The following HIP1 variants were observed in gnomAD, a reference collection of about 807,000 sequenced individuals.
HIP1 encodes the protein huntingtin-interacting protein 1.
In HIP1, 65 loss-of-function variants were observed where a neutral mutation model predicts 147.6. That is an observed-to-expected ratio of 0.44 (90% CI 0.36 to 0.54). The LOEUF is 0.54. Ranked by LOEUF, HIP1 falls within the 20% of genes least tolerant of loss-of-function variation. The pLI is 0.00. For synonymous variants in HIP1, 479 were observed against 504.0 expected, an observed-to-expected ratio of 0.95 and a Z score of 0.67; for missense variants, 1,061 against 1,299.6, an observed-to-expected ratio of 0.82 and a Z score of 2.82.
At chr7:75,714,909 C>T (rs1444881485) in intron 1 of HIP1, among the ~76,000 whole-genome samples, 3 of 152,212 alleles carry the variant, frequency 2.0e-5, no homozygotes, top group African/African-American at 7.2e-5. Flanking sequence ...CAGGATCCCA[C>T]GCTGCACCGA....
At chr7:75,705,121 C>A (rs1323372762) in intron 1 of HIP1, among the ~76,000 whole-genome samples, 4 of 152,174 alleles carry the variant, frequency 2.6e-5, no homozygotes, top group Non-Finnish European at 4.4e-5. Flanking sequence ...TATCCATCGG[C>A]AGAACTCTTC....
chr7:75,677,799 C>A (rs1309765330), intron 1 of HIP1, among the ~76,000 whole-genome samples: 1 of 151,860 alleles, frequency 6.6e-6, no homozygotes, highest in Non-Finnish European at 1.5e-5. Context: ...TGCCTTGGAG[C>A]CTTTGCACAC....
At chr7:75,629,540 G>A (rs1054764286) in intron 1 of HIP1, among the ~76,000 whole-genome samples, 10 of 134,410 alleles carry the variant, frequency 7.4e-5, no homozygotes, top group African/African-American at 2.7e-4. Flanking sequence ...CGGCTCCCCC[G>A]CTTTTCTTTT....
At chr7:75,695,116 T>C (rs1424545793) in intron 1 of HIP1, among the ~76,000 whole-genome samples, 2 of 152,190 alleles carry the variant, frequency 1.3e-5, no homozygotes, top group East Asian at 3.8e-4. Context: ...AGCTGATCCT[T>C]GGTTAGATGT....
intron 1 of HIP1, among the ~76,000 whole-genome samples, chr7:75,607,888 AG>A (rs1397031589): frequency 6.6e-6 from 1 of 152,140 alleles, no homozygotes; most frequent in Non-Finnish European, 1.5e-5. Context: ...CAGAATCCAC[AG>A]ACTGGAAAAA....
Position 75,568,169 on chromosome 7 carries a change from A to C in HIP1, c.803+30T>G. The C allele has an allele frequency of 4.6e-6, 7 of 1,519,108 alleles. No individual in the cohort carries two copies. The highest frequency in any genetic ancestry group is 6.4e-6 in the Non-Finnish European group (7 of 1,093,676). 94.1% of individuals were successfully genotyped at this position (1,519,108 alleles called of 1,614,324 possible). A position where few individuals can be genotyped will look rare whatever the true frequency, so the allele number is the denominator to read the frequency against. ...ATGATTTTATAGCGCTCTTGAATTCACCTCCATTCCTGTTACTTGAACCAC... is the reference window on the plus strand; with the variant it reads ...ATGATTTTATAGCGCTCTTGAATTCCCCTCCATTCCTGTTACTTGAACCAC... On this transcript the variant is annotated intron_variant, in intron 9 of 30. Transcript: ENST00000336926. The surrounding 1 kb of genome is among the most constrained non-coding windows in gnomAD (Gnocchi z 4.1).
At chr7:75,693,297 A>G (rs1800520579) in intron 1 of HIP1, among the ~76,000 whole-genome samples, 1 of 151,952 alleles carries the variant, frequency 6.6e-6, no homozygotes, top group African/African-American at 2.4e-5. Flanking sequence ...TTTTATTTGT[A>G]CACCTTCCTT....
chr7:75,730,618 T>C (rs1226563496), intron 1 of HIP1, among the ~76,000 whole-genome samples: 3 of 149,302 alleles, frequency 2.0e-5, no homozygotes, highest in Non-Finnish European at 4.5e-5. Context: ...GGATTACAAG[T>C]GTGAGCCACC....
chr7:75,592,537 A>G (rs782642010), intron 2 of HIP1, 23 bp from the exon 3 acceptor site: 4 of 1,606,682 alleles, frequency 2.5e-6, no homozygotes, highest in South Asian at 1.1e-5. Flanking sequence ...TATGGAAAAC[A>G]ACGGATGGGC....
intron 4 of HIP1, among the ~76,000 whole-genome samples, chr7:75,590,206 T>C (rs1554500491): frequency 1.3e-5 from 2 of 152,200 alleles, no homozygotes. Context: ...AATTTAAAGA[T>C]AAACATAACC....
rs587614952 is a variant in HIP1 at position 75,559,718 on chromosome 7, C to A, written c.1375+14G>T. On this transcript the variant is annotated intron_variant, in intron 14 of 30. Transcript: ENST00000336926. Reference sequence around the variant, plus strand: ...TGCCCCCGGGGCCCGCCCCCGCCCCCACCCACCGCTCACTTTCTATCTCAG... The same window carrying A: ...TGCCCCCGGGGCCCGCCCCCGCCCCAACCCACCGCTCACTTTCTATCTCAG... The A allele has an allele frequency of 1.2e-5, 18 of 1,450,160 alleles. No individual in the cohort carries two copies. In the South Asian group the frequency reaches 2.1e-4, roughly 17 times the overall value. 89.8% of individuals were successfully genotyped at this position (1,450,160 alleles called of 1,614,324 possible).
intron 7 of HIP1, among the ~76,000 whole-genome samples, chr7:75,577,413 T>TAAC (rs879954101): frequency 3.3e-5 from 5 of 151,928 alleles, no homozygotes; most frequent in Non-Finnish European, 1.5e-5. Context: ...TACATAGTGT[T>TAAC]AACTTTCAGC....
intron 1 of HIP1, among the ~76,000 whole-genome samples, chr7:75,709,800 G>A (rs564495017): frequency 6.6e-6 from 1 of 152,178 alleles, no homozygotes; most frequent in Non-Finnish European, 1.5e-5. Flanking sequence ...ACCATTGAAT[G>A]TGACGTCTGC....
intron 1 of HIP1, among the ~76,000 whole-genome samples, chr7:75,667,876 G>A (rs532722162): frequency 6.6e-6 from 1 of 152,180 alleles, no homozygotes; most frequent in Non-Finnish European, 1.5e-5. Flanking sequence ...ATTGTAAGAC[G>A]CAATGCCAAT....
chr7:75,585,258 C>T (rs1363896707), intron 5 of HIP1, among the ~76,000 whole-genome samples: 3 of 151,366 alleles, frequency 2.0e-5, no homozygotes, highest in Admixed American at 6.6e-5. Flanking sequence ...CATCTCGGCT[C>T]GCTGCAACCT....
intron 9 of HIP1, among the ~76,000 whole-genome samples, chr7:75,566,132 G>T (rs967326270): frequency 1.3e-5 from 2 of 150,936 alleles, no homozygotes; most frequent in Non-Finnish European, 2.9e-5. Flanking sequence ...GGGTTCAAGC[G>T]ATTCTTCTGC....
At chr7:75,549,741 C>T in intron 22 of HIP1, among the ~76,000 whole-genome samples, 1 of 151,920 alleles carries the variant, frequency 6.6e-6, no homozygotes, top group East Asian at 1.9e-4. Context: ...ATGATCATAG[C>T]TCACTGCAGC....
At position 75,694,570 on chromosome 7, in the gene HIP1, G is replaced by A. The variant is rs111952425; in HGVS notation, c.120+44231C>T. The stretch of plus-strand genomic sequence containing the variant: ...CTGTCTCCCAGGCTGGAGTGCAGTG[G>A]TGTGATCACAGCACACTGCAGCCTC... On this transcript the variant is annotated intron_variant, in intron 1 of 30. Coordinates refer to ENST00000336926, the MANE Select transcript of HIP1 (RefSeq NM_005338.7). 3.1e-3 allele frequency among the ~76,000 whole-genome samples: 463 copies of A among 147,114 alleles called. 5 individuals are homozygous for A. Among genetic ancestry groups the A allele is most frequent in the African/African-American group, 0.011 (439 of 39,788 alleles).
chr7:75,696,432 C>T (rs1361188279), intron 1 of HIP1, among the ~76,000 whole-genome samples: 2 of 151,972 alleles, frequency 1.3e-5, no homozygotes, highest in African/African-American at 4.8e-5. Context: ...AGGTGTGTAG[C>T]CATTCTGCTA....
Sources: allele counts gnomAD v4.1 joint callset (sites outside exome capture counted in the v4.1 genomes callset), GRCh38; gene constraint gnomAD v4.1.1; non-coding constraint Gnocchi (gnomAD v3.1); transcripts MANE v1.5; gene names NCBI Gene and HGNC (gene_info 2026-07-23, HGNC 2026-07-21).